Variants in POLG2 observed in about 807,000 individuals in gnomAD.
POLG2 encodes the protein DNA polymerase subunit gamma-2.
A neutral mutation model predicts 56.5 loss-of-function variants in POLG2; 50 were observed. That is an observed-to-expected ratio of 0.88 (90% CI 0.71 to 1.12). The LOEUF (loss-of-function observed/expected upper bound fraction) is 1.12, where lower values mean the gene tolerates loss of function less well. POLG2 is among the 50% of genes most tolerant of loss of function. The probability of loss-of-function intolerance (pLI) is 0.00; values close to 1 mark genes in which losing one functional copy is unlikely to be tolerated. For synonymous variants in POLG2, 226 were observed against 222.6 expected (o/e 1.02, Z -0.14); for missense variants, 584 against 583.3 (o/e 1.00, Z -0.01).
intron 1 of POLG2, among the ~76,000 whole-genome samples, chr17:64,494,945 G>A (rs1184141513): frequency 1.3e-5 from 2 of 152,056 alleles, no homozygotes; most frequent in African/African-American, 2.4e-5. Context: ...AGGCCGAGGC[G>A]GGCGGATCAC....
At chr17:64,485,457 G>C in intron 5 of POLG2, 1 of 430,228 alleles carries the variant, frequency 2.3e-6, no homozygotes, top group Non-Finnish European at 4.3e-6. Context: ...CAGTGGAAAG[G>C]TTCAGGGGCT....
intron 3 of POLG2, 75 bp from the exon 4 acceptor site, chr17:64,491,044 A>T (rs552369579): frequency 1.8e-6 from 2 of 1,131,336 alleles, no homozygotes; most frequent in Admixed American, 1.7e-5. Context: ...TATCTGTAAG[A>T]ATTTAAATTG....
rs2038158699 is a variant in POLG2, at chr17:64,496,698, G to A, written c.271C>T (p.Leu91Phe). 9.3e-6 allele frequency: 15 copies of A among 1,613,982 alleles called. No individual in the cohort carries two copies. Among genetic ancestry groups the A allele is most frequent in the African/African-American group, 1.3e-5 (1 of 74,896 alleles). The change falls in exon 1 of 8, where the codon CTT becomes TTT. Residue 91 changes from leucine (L) to phenylalanine (F), a missense_variant. Coordinates refer to ENST00000539111, the MANE Select transcript of POLG2 (RefSeq NM_007215.4). ...GSKQQLSRDS[L>F]LSGCHPGFGP... Reference sequence around the variant, plus strand: ...AAGCCGGGGTGGCACCCACTCAGAAGAGAATCCCGGCTAAGCTGCTGCTTG... The same window carrying A: ...AAGCCGGGGTGGCACCCACTCAGAAAAGAATCCCGGCTAAGCTGCTGCTTG...
At position 64,496,838 on chromosome 17, in the gene POLG2, A is replaced by C. The variant is rs1219134089; in HGVS notation, c.131T>G (p.Val44Gly). The C allele has an allele frequency of 6.2e-7, 1 of 1,613,624 alleles. No homozygotes were observed. Among genetic ancestry groups the C allele is most frequent in the African/African-American group, 1.3e-5 (1 of 74,876 alleles). ...TERSSPKGGH[V>G]KSHAELEGNG... is the part of the protein sequence containing the mutation. ...CCCCTCGAGCTCCGCGTGCGACTTC[A>C]CATGCCCTCCTTTGGGGCTACTCCT... The change falls in exon 1 of 8, where the codon GTG becomes GGG. Residue 44 changes from valine to glycine, a missense_variant. By Grantham distance (109) the Val-to-Gly change is moderately radical. Coordinates refer to ENST00000539111, the MANE Select transcript of POLG2 (RefSeq NM_007215.4).
chr17:64,492,763 C>G lies in POLG2; in HGVS notation c.699G>C (p.Glu233Asp). 6.2e-7 allele frequency: 1 copy of G among 1,609,892 alleles called. No individual in the cohort carries two copies. The highest frequency in any genetic ancestry group is 1.1e-5 in the South Asian group (1 of 90,976). Residue 233 changes from glutamate to aspartate, a missense_variant, in exon 3 of 8, where the codon GAG becomes GAC. Glu to Asp is a conservative substitution (Grantham distance 45). Coordinates refer to ENST00000539111, the MANE Select transcript of POLG2 (RefSeq NM_007215.4). ...ACCATACTAACGAAGCTTCAGTCTTCTCACCAATACTTTAGATATAAAACG... is the reference window on the plus strand; with the variant it reads ...ACCATACTAACGAAGCTTCAGTCTTGTCACCAATACTTTAGATATAAAACG... ...QIRNGVKSIG[E>D]KTEASLVWFT...
chr17:64,491,730 T>G, intron 3 of POLG2: 1 of 822,368 alleles, frequency 1.2e-6, no homozygotes, highest in Non-Finnish European at 2.1e-6. Flanking sequence ...GTACATGCTC[T>G]TCATCTACTG....
Position 64,496,945 on chromosome 17 carries a change from C to A in POLG2, c.24G>T (p.Arg8Ser). 1 of 1,608,746 alleles carries A rather than the reference C, an allele frequency of 6.2e-7. No homozygotes were observed. The highest frequency in any genetic ancestry group is 8.5e-7 in the Non-Finnish European group (1 of 1,179,988). The change falls in exon 1 of 8, where the codon AGG (arginine) becomes AGT (serine). Residue 8 changes from arginine (R) to serine (S), a missense_variant. By Grantham distance (110) the Arg-to-Ser change is moderately radical. Transcript: ENST00000539111. MRSRVAV[R>S]ACHKVCRCLL... ...GGCACCTGCAGACCTTATGGCAGGC[C>A]CTGACGGCTACACGAGAGCGCATCT... is the stretch of plus-strand genomic sequence containing the variant.
At position 64,492,950 on chromosome 17, in the gene POLG2, C is replaced by T. The variant is rs2038088103; in HGVS notation, c.634G>A (p.Gly212Arg). 1.2e-6 allele frequency: 2 copies of T among 1,613,816 alleles called. No homozygotes were observed. Among genetic ancestry groups the T allele is most frequent in the Non-Finnish European group, 1.7e-6 (2 of 1,179,832 alleles). The change falls in exon 2 of 8, where the codon GGA (glycine) becomes AGA (arginine). Residue 212 changes from glycine to arginine, a missense_variant. Coordinates refer to ENST00000539111, the MANE Select transcript of POLG2 (RefSeq NM_007215.4). ...KRLPYGLAQI[G>R]VCFHPVFDTK... Reference sequence around the variant, plus strand: ...TCAAAAACAGGATGAAAACACACTCCAATCTGAGCAAGGCCATAAGGTAGC... The same window carrying T: ...TCAAAAACAGGATGAAAACACACTCTAATCTGAGCAAGGCCATAAGGTAGC...
chr17:64,494,235 T>C (rs1047271657), intron 1 of POLG2, among the ~76,000 whole-genome samples: 4 of 152,234 alleles, frequency 2.6e-5, no homozygotes, highest in African/African-American at 9.6e-5. Flanking sequence ...TTTGTCTGAT[T>C]GTTTCCTTAT....
Position 64,480,308 on chromosome 17 carries a change from A to G in POLG2, c.1273T>C (p.Leu425=), listed in dbSNP as rs1162147676. ...PGYLETMQSS[L]EQLYSKYDEM... is the part of the protein sequence containing the mutation. ...TCTTACTTCGAATAAAGTTGTTCCA[A>G]TGAGGACTGCATAGTTTCCAAATAA... The change falls in exon 7 of 8, where the codon TTG becomes CTG. Residue 425 remains leucine, a synonymous_variant. Coordinates refer to ENST00000539111, the MANE Select transcript of POLG2 (RefSeq NM_007215.4). The G allele has an allele frequency of 2.6e-6, 4 of 1,565,294 alleles. No individual in the cohort carries two copies. Among genetic ancestry groups the G allele is most frequent in the Non-Finnish European group, 3.5e-6 (4 of 1,137,860 alleles).
In POLG2 at chr17:64,492,903, A is replaced by G; in HGVS notation, c.681T>C (p.Gly227=). ...TTTGCCACTTTTTATACCTTTTAACACCATTTCGTATCTGCTTAGTGTCAA... is the reference window on the plus strand; with the variant it reads ...TTTGCCACTTTTTATACCTTTTAACGCCATTTCGTATCTGCTTAGTGTCAA... The part of the protein sequence containing the change: ...PVFDTKQIRN[G]VKSIGEKTEA... Residue 227 remains glycine, a synonymous_variant, in exon 2 of 8, where the codon GGT becomes GGC. Transcript: ENST00000539111. 1 of 1,614,050 alleles carries G rather than the reference A, an allele frequency of 6.2e-7. No homozygotes were observed. The highest frequency in any genetic ancestry group is 2.2e-5 in the East Asian group (1 of 44,876).
At chr17:64,478,864 C>G (rs888528846) in intron 7 of POLG2, among the ~76,000 whole-genome samples, 6 of 151,960 alleles carry the variant, frequency 3.9e-5, no homozygotes, top group African/African-American at 1.4e-4. Context: ...GCCATTGCAC[C>G]AGCCCGGGCG....
Position 64,477,847 on chromosome 17 carries a change from A to G in POLG2, c.1434T>C (p.Tyr478=). The G allele has an allele frequency of 1.2e-6, 2 of 1,606,910 alleles. No homozygotes were observed. The highest frequency in any genetic ancestry group is 1.7e-6 in the Non-Finnish European group (2 of 1,176,846). Residue 478 remains tyrosine (Y), a synonymous_variant, in exon 8 of 8, where the codon TAT becomes TAC. Coordinates refer to ENST00000539111, the MANE Select transcript of POLG2 (RefSeq NM_007215.4). ...TCTATACATTCTTAGCTGATGATAT[A>G]TACTTAATCAAAAAGTCTTTTAATT... ...ISKLKDFLIK[Y]ISSAKNV
At chr17:64,487,113 T>G (rs1310185234) in intron 4 of POLG2, 2 of 152,174 alleles carry the variant, frequency 1.3e-5, no homozygotes, top group African/African-American at 4.8e-5. Flanking sequence ...CCCCACAAAT[T>G]TAAATCCTCA....
In POLG2 at chr17:64,496,654, C is replaced by T. The variant is rs142121495; in HGVS notation, c.315G>A (p.Glu105=). 1,018 of 1,613,932 alleles carry T rather than the reference C, an allele frequency of 6.3e-4. 1 individual carries two copies. The highest frequency in any genetic ancestry group is 8.1e-4 in the Non-Finnish European group (953 of 1,180,020). Residue 105 remains glutamate (E), a synonymous_variant, in exon 1 of 8, where the codon GAG becomes GAA. Coordinates refer to ENST00000539111, the MANE Select transcript of POLG2 (RefSeq NM_007215.4). ...ATTCTGCGGCCAGGTTCTTCCGCAACTCTACGCCCAAGGGTCCGAAGCCGG... is the reference window on the plus strand; with the variant it reads ...ATTCTGCGGCCAGGTTCTTCCGCAATTCTACGCCCAAGGGTCCGAAGCCGG... ...CHPGFGPLGV[E]LRKNLAAEWW...
rs1555667260 is a variant in POLG2 at position 64,485,504 on chromosome 17, C to T, written c.1110+224G>A. On this transcript the variant is annotated intron_variant, in intron 5 of 7. Coordinates refer to ENST00000539111, the MANE Select transcript of POLG2 (RefSeq NM_007215.4). ...AGATAGCTGTCTGTTCACAATTAAA[C>T]AGAAATGCCTTTGGGATTACTTATT... is the stretch of plus-strand genomic sequence containing the variant. 7 of 550,862 alleles carry T rather than the reference C, an allele frequency of 1.3e-5. No individual in the cohort carries two copies. The Admixed American group carries it at 1.9e-4, about 15-fold the overall frequency. The allele number at this position is 550,862 out of a possible 1,614,324, so 34.1% of individuals were successfully genotyped here.
At chr17:64,493,222 C>CA (rs2038093964) in intron 1 of POLG2, among the ~76,000 whole-genome samples, 2 of 152,030 alleles carry the variant, frequency 1.3e-5, no homozygotes, top group Non-Finnish European at 2.9e-5. Context: ...GTTCTGAGAC[C>CA]AGACTGGGCA....
rs781857702 is a variant in POLG2 at position 64,496,549 on chromosome 17, G to T, written c.420C>A (p.Pro140=). 7 of 1,613,850 alleles carry T rather than the reference G, an allele frequency of 4.3e-6. No homozygotes were observed. Among genetic ancestry groups the T allele is most frequent in the Non-Finnish European group, 5.9e-6 (7 of 1,179,844 alleles). The part of the protein sequence containing the change: ...ALHHKPGPLL[P]GDSAFRLVSA... ...AAACTAACCTGAAGGCACTGTCCCC[G>T]GGTAGCAAAGGGCCTGGTTTGTGGT... The change falls in exon 1 of 8, where the codon CCC becomes CCA. Residue 140 remains proline, a synonymous_variant. Coordinates refer to ENST00000539111, the MANE Select transcript of POLG2 (RefSeq NM_007215.4).
At position 64,496,942 on chromosome 17, in the gene POLG2, G is replaced by A. The variant is rs782118666; in HGVS notation, c.27C>T (p.Ala9=). Residue 9 remains alanine, a synonymous_variant, in exon 1 of 8, where the codon GCC becomes GCT. Coordinates refer to ENST00000539111, the MANE Select transcript of POLG2 (RefSeq NM_007215.4). MRSRVAVR[A]CHKVCRCLLS... ...ACAGGCACCTGCAGACCTTATGGCA[G>A]GCCCTGACGGCTACACGAGAGCGCA... The A allele has an allele frequency of 6.2e-7, 1 of 1,608,932 alleles. No individual in the cohort carries two copies. Among genetic ancestry groups the A allele is most frequent in the Non-Finnish European group, 8.5e-7 (1 of 1,179,988 alleles).
Sources: allele counts gnomAD v4.1 joint callset (sites outside exome capture counted in the v4.1 genomes callset), GRCh38; gene constraint gnomAD v4.1.1; transcripts MANE v1.5; gene names NCBI Gene and HGNC (gene_info 2026-07-23, HGNC 2026-07-21).